OR7A10: variants seen among roughly 807,000 people sequenced by gnomAD.
OR7A10 encodes olfactory receptor family 7 subfamily A member 10, also known as olfactory receptor 7A10.
For synonymous variants in OR7A10, 144 were observed against 144.5 expected (o/e 1.00, Z 0.02); for missense variants, 358 against 370.1 (o/e 0.97, Z 0.27).
rs2044943260 is a variant in OR7A10 at position 14,846,496 on chromosome 19, T to C, written c.-13+2004A>G. Among the ~76,000 whole-genome samples, 3 of 151,952 alleles carry C rather than the reference T, an allele frequency of 2.0e-5. No homozygotes were observed. In the South Asian group the frequency reaches 6.2e-4, roughly 32 times the overall value. On this transcript the variant is annotated intron_variant, in intron 1 of 1. Coordinates refer to ENST00000641129, the MANE Select transcript of OR7A10 (RefSeq NM_001005190.2). ...AATAATTTAATAACATCAAAATGGG[T>C]TACAAATTTAAGATTAAACTACCAG...
rs2044916150 is a variant in OR7A10 at position 14,841,867 on chromosome 19, C to T, written c.11G>A (p.Trp4Ter). MKS[W>*]NNTIILEFLL... ...AAATTCTAAAATTATTGTATTGTTC[C>T]ATGATTTCATCTTGTGATGTGACTA... Residue 4 changes from tryptophan to a stop codon, truncating the protein, a stop_gained, in exon 2 of 2, where the codon TGG becomes TAG. Coordinates refer to ENST00000641129, the MANE Select transcript of OR7A10 (RefSeq NM_001005190.2). LOFTEE classifies it low-confidence loss of function (END_TRUNC). 1 of 1,583,776 alleles carries T rather than the reference C, an allele frequency of 6.3e-7. No individual in the cohort carries two copies. The highest frequency in any genetic ancestry group is 8.6e-7 in the Non-Finnish European group (1 of 1,156,878).
chr19:14,842,461 G>T (rs937473899), intron 1 of OR7A10, among the ~76,000 whole-genome samples: 5 of 152,188 alleles, frequency 3.3e-5, no homozygotes, highest in Admixed American at 6.5e-5. Flanking sequence ...ATGTTGGCTA[G>T]GCTGGTCTTG....
In OR7A10 at chr19:14,841,843, A is replaced by G. The variant is rs371973568; in HGVS notation, c.35T>C (p.Phe12Ser). 4 of 1,612,908 alleles carry G rather than the reference A, an allele frequency of 2.5e-6. 1 individual carries two copies. In the African/African-American group the frequency reaches 5.3e-5, roughly 22 times the overall value. ...KSWNNTIILE[F>S]LLLGISEEPE... is the part of the protein sequence containing the mutation. The stretch of plus-strand genomic sequence containing the variant: ...TTCCTCTGAAATTCCCAGGAGAAGA[A>G]ATTCTAAAATTATTGTATTGTTCCA... The change falls in exon 2 of 2, where the codon TTT (phenylalanine) becomes TCT (serine). Residue 12 changes from phenylalanine (F) to serine (S), a missense_variant. By Grantham distance (155) the Phe-to-Ser change is radical. Coordinates refer to ENST00000641129, the MANE Select transcript of OR7A10 (RefSeq NM_001005190.2).
intron 1 of OR7A10, among the ~76,000 whole-genome samples, chr19:14,847,023 T>A (rs114224668): frequency 4.1e-4 from 62 of 152,338 alleles, no homozygotes; most frequent in African/African-American, 1.5e-3. Context: ...ACTTGCACAC[T>A]GTCCTCTCAA....
In OR7A10 at chr19:14,844,251, A is replaced by G. The variant is rs2044929582; in HGVS notation, c.-12-2362T>C. The stretch of plus-strand genomic sequence containing the variant: ...CTCCTACAAAGTAAAGAAAGAAGGC[A>G]AAAAAGAAAACATGGATGAGGTGTT... On this transcript the variant is annotated intron_variant, in intron 1 of 1. Transcript: ENST00000641129. 3.3e-5 allele frequency among the ~76,000 whole-genome samples: 5 copies of G among 152,344 alleles called. No homozygotes were observed. In the South Asian group the frequency reaches 1.0e-3, roughly 32 times the overall value.
At chr19:14,847,800 C>T (rs2044950188) in intron 1 of OR7A10, among the ~76,000 whole-genome samples, 1 of 151,258 alleles carries the variant, frequency 6.6e-6, no homozygotes, top group Admixed American at 6.6e-5. Context: ...AGGCGTGAGC[C>T]ACCACGCCGG....
chr19:14,842,638 T>G (rs142631475), intron 1 of OR7A10, among the ~76,000 whole-genome samples: 70 of 152,342 alleles, frequency 4.6e-4, no homozygotes, highest in African/African-American at 1.5e-3. Context: ...GTTCCTGCAT[T>G]AGTTTGCTTA....
At chr19:14,845,070 AACACACACAC>A (rs200527978) in intron 1 of OR7A10, among the ~76,000 whole-genome samples, 4 of 141,628 alleles carry the variant, frequency 2.8e-5, no homozygotes, top group African/African-American at 7.9e-5. Flanking sequence ...CACACACACA[AACACACACAC>A]ACACACACAC....
intron 1 of OR7A10, among the ~76,000 whole-genome samples, chr19:14,842,522 A>T (rs2044920949): frequency 6.6e-6 from 1 of 152,232 alleles, no homozygotes; most frequent in Non-Finnish European, 1.5e-5. Context: ...AAGTGCTGGG[A>T]TTACAGGCAT....
chr19:14,844,658 TTC>T (rs2044931341), intron 1 of OR7A10, among the ~76,000 whole-genome samples: 1 of 113,992 alleles, frequency 8.8e-6, no homozygotes, highest in South Asian at 3.4e-4. Context: ...TTGCCTTGAG[TTC>T]TGTGTTTTTT....
chr19:14,843,144 CT>C (rs1393483619), intron 1 of OR7A10, among the ~76,000 whole-genome samples: 1 of 152,160 alleles, frequency 6.6e-6, no homozygotes, highest in Non-Finnish European at 1.5e-5. Flanking sequence ...CCATCTTACA[CT>C]AGTCAGAATG....
chr19:14,845,476 A>G (rs2044938277), intron 1 of OR7A10, among the ~76,000 whole-genome samples: 1 of 151,234 alleles, frequency 6.6e-6, no homozygotes, highest in Admixed American at 6.6e-5. Context: ...CTCCATCTCA[A>G]AAAAAAAAGA....
chr19:14,845,070 AAC>A (rs200527978), intron 1 of OR7A10, among the ~76,000 whole-genome samples: 4,496 of 141,378 alleles, frequency 0.032, 132 homozygotes, highest in African/African-American at 0.084. Context: ...CACACACACA[AAC>A]ACACACACAC....
chr19:14,845,814 T>C (rs144753061), intron 1 of OR7A10, among the ~76,000 whole-genome samples: 62 of 152,294 alleles, frequency 4.1e-4, no homozygotes, highest in African/African-American at 1.5e-3. Context: ...CTTTACAGGG[T>C]GAAAGCCAAA....
intron 1 of OR7A10, among the ~76,000 whole-genome samples, chr19:14,842,785 A>T (rs914263871): frequency 2.0e-5 from 3 of 152,156 alleles, no homozygotes; most frequent in Non-Finnish European, 4.4e-5. Context: ...GTCTAGGTTG[A>T]TTCTATGTCT....
intron 1 of OR7A10, 129 bp from the exon 2 acceptor site, chr19:14,842,018 T>A (rs1288484616): frequency 1.6e-6 from 1 of 634,178 alleles, no homozygotes; most frequent in African/African-American, 1.8e-5. Flanking sequence ...TCTTAAAAAA[T>A]TATTTTTAAG....
intron 1 of OR7A10, among the ~76,000 whole-genome samples, chr19:14,847,618 C>T (rs1032584609): frequency 2.0e-5 from 3 of 152,086 alleles, no homozygotes; most frequent in Admixed American, 6.5e-5. Flanking sequence ...TGACGCCATC[C>T]TCCTGCCTCA....
Position 14,846,993 on chromosome 19 carries a change from TG to T in OR7A10, c.-13+1506del, listed in dbSNP as rs1162526776. Among the ~76,000 whole-genome samples, 12 of 152,324 alleles carry T rather than the reference TG, an allele frequency of 7.9e-5. No individual in the cohort carries two copies. In the East Asian group the frequency reaches 2.3e-3, roughly 29 times the overall value. ...ACACAATGTGACCGATGGATGGATT[TG>T]GCTACACAAGCTTTTTAAACTTGCA... On this transcript the variant is annotated intron_variant, in intron 1 of 1. Coordinates refer to ENST00000641129, the MANE Select transcript of OR7A10 (RefSeq NM_001005190.2).
chr19:14,841,956 C>T (rs988876274), intron 1 of OR7A10, 67 bp from the exon 2 acceptor site: 8 of 922,424 alleles, frequency 8.7e-6, no homozygotes, highest in Non-Finnish European at 1.3e-5. Context: ...CATTCCAAAA[C>T]TATCAGAAAT....
Sources: gnomAD v4.1 joint callset for allele counts (sites outside exome capture counted in the v4.1 genomes callset) on GRCh38, gnomAD v4.1.1 for gene constraint, MANE v1.5 for transcripts, NCBI Gene and HGNC (gene_info 2026-07-23, HGNC 2026-07-21) for gene names.